PPP1R9A: variants seen among roughly 807,000 people sequenced by gnomAD.
The protein encoded by PPP1R9A is protein phosphatase 1 regulatory subunit 9A.
PPP1R9A carries 59 observed loss-of-function variants against 141.9 expected under a neutral mutation model. The observed-to-expected ratio is 0.42, with a 90% CI of 0.34 to 0.52. The LOEUF is 0.52. Ranked by LOEUF, PPP1R9A falls within the 20% of genes least tolerant of loss-of-function variation. PPP1R9A has a pLI of 0.10. For synonymous variants in PPP1R9A, 500 were observed against 569.7 expected (o/e 0.88, Z 1.74); for missense variants, 1,444 against 1,611.9 (o/e 0.90, Z 1.78).
In PPP1R9A at chr7:95,089,691, A is replaced by T. The variant is rs1817075834; in HGVS notation, c.1396-21568A>T. 3.3e-5 allele frequency among the ~76,000 whole-genome samples: 5 copies of T among 150,744 alleles called. No homozygotes were observed. The South Asian group carries it at 1.0e-3, about 31-fold the overall frequency. On this transcript the variant is annotated intron_variant, in intron 2 of 19. Coordinates refer to ENST00000433360, the MANE Select transcript of PPP1R9A (RefSeq NM_001166160.2). Reference sequence around the variant, plus strand: ...ATTGCTCAGCTCCCATTGGGTTATAACATTCTGCAACTGTATATTTTAGAA... The same window carrying T: ...ATTGCTCAGCTCCCATTGGGTTATATCATTCTGCAACTGTATATTTTAGAA...
rs1585678776 is a variant in PPP1R9A at position 95,294,428 on chromosome 7, C to T, written c.*4125C>T. The T allele has an allele frequency of 6.6e-6, 1 of 151,952 alleles. No homozygotes were observed. Among genetic ancestry groups the T allele is most frequent in the East Asian group, 1.9e-4 (1 of 5,162 alleles). 9.4% of individuals were successfully genotyped at this position (151,952 alleles called of 1,614,324 possible). A position where few individuals can be genotyped will look rare whatever the true frequency, so the allele number is the denominator to read the frequency against. On this transcript the variant is annotated 3_prime_UTR_variant, in exon 20 of 20. Coordinates refer to ENST00000433360, the MANE Select transcript of PPP1R9A (RefSeq NM_001166160.2). ...GGACTACAGGCATGTGCCACCACCC[C>T]CAGCCAAAACATCCATATTTTCTAT... is the stretch of plus-strand genomic sequence containing the variant.
chr7:95,142,795 G>GGACCT (rs1281135295), intron 4 of PPP1R9A, among the ~76,000 whole-genome samples: 6 of 152,026 alleles, frequency 3.9e-5, no homozygotes, highest in African/African-American at 1.4e-4. Flanking sequence ...GAAACTGTAT[G>GGACCT]GACCTAAACC....
chr7:95,018,754 G>A (rs577203590), intron 2 of PPP1R9A, among the ~76,000 whole-genome samples: 2 of 152,228 alleles, frequency 1.3e-5, no homozygotes, highest in South Asian at 2.1e-4. Flanking sequence ...CCCTGTGGGC[G>A]TTGGTGGTTA....
intron 2 of PPP1R9A, among the ~76,000 whole-genome samples, chr7:94,930,735 A>G (rs946801462): frequency 1.3e-5 from 2 of 152,184 alleles, no homozygotes; most frequent in African/African-American, 4.8e-5. Flanking sequence ...GGGAAAGAGT[A>G]CTGCACATCA....
intron 2 of PPP1R9A, among the ~76,000 whole-genome samples, chr7:94,922,360 T>TA (rs1462150732): frequency 1.3e-5 from 2 of 152,030 alleles, no homozygotes; most frequent in African/African-American, 4.8e-5. Context: ...CTACTTGATA[T>TA]ATTGTTGAGA....
intron 12 of PPP1R9A, among the ~76,000 whole-genome samples, chr7:95,262,539 C>T (rs1354679066): frequency 1.3e-5 from 2 of 152,164 alleles, no homozygotes; most frequent in Non-Finnish European, 1.5e-5. Flanking sequence ...CTGGTAGTCA[C>T]TGCCTTTCCA....
intron 2 of PPP1R9A, among the ~76,000 whole-genome samples, chr7:94,986,083 G>A (rs1019494827): frequency 1.3e-5 from 2 of 152,122 alleles, no homozygotes; most frequent in African/African-American, 4.8e-5. Context: ...GTTGGGGAAA[G>A]TTTGTAGCAC....
intron 4 of PPP1R9A, among the ~76,000 whole-genome samples, chr7:95,154,134 T>C (rs1042145179): frequency 2.3e-4 from 35 of 152,124 alleles, no homozygotes; most frequent in Admixed American, 1.3e-4. Context: ...TTTGTATTTT[T>C]TTTTATGTAG....
chr7:94,926,643 C>A (rs1481930368), intron 2 of PPP1R9A, among the ~76,000 whole-genome samples: 1 of 151,802 alleles, frequency 6.6e-6, no homozygotes, highest in African/African-American at 2.4e-5. Context: ...CCTTTTATTT[C>A]CTGACTTGTT....
intron 2 of PPP1R9A, 51 bp from the exon 3 acceptor site, chr7:95,111,208 G>C (rs749280564): frequency 1.4e-5 from 20 of 1,462,970 alleles, no homozygotes; most frequent in Admixed American, 2.2e-5. Flanking sequence ...TGGATACCTG[G>C]CAGGTTTTTT....
intron 2 of PPP1R9A, among the ~76,000 whole-genome samples, chr7:95,038,969 C>T (rs1369391059): frequency 1.3e-5 from 2 of 152,146 alleles, no homozygotes; most frequent in African/African-American, 2.4e-5. Flanking sequence ...AAACGTTAGA[C>T]AGCCCAACAC....
chr7:95,028,795 A>G (rs112921544), intron 2 of PPP1R9A, among the ~76,000 whole-genome samples: 6 of 152,338 alleles, frequency 3.9e-5, no homozygotes, highest in African/African-American at 1.2e-4. Context: ...TTAAACACCT[A>G]CAGAAGTTGT....
chr7:95,118,001 TC>T (rs1437286994), intron 3 of PPP1R9A, among the ~76,000 whole-genome samples: 4 of 152,126 alleles, frequency 2.6e-5, no homozygotes, highest in Non-Finnish European at 5.9e-5. Context: ...CAATCATTCA[TC>T]CTTCATCAGT....
At chr7:95,172,053 A>G (rs1200096092) in intron 5 of PPP1R9A, among the ~76,000 whole-genome samples, 4 of 151,582 alleles carry the variant, frequency 2.6e-5, no homozygotes, top group African/African-American at 9.7e-5. Context: ...ATAGATGTAG[A>G]TTTTTTTAAA....
chr7:94,988,333 T>C (rs1161734261), intron 2 of PPP1R9A, among the ~76,000 whole-genome samples: 2 of 152,154 alleles, frequency 1.3e-5, no homozygotes, highest in African/African-American at 2.4e-5. Context: ...CTGGTGCTTA[T>C]TTTACATATT....
intron 3 of PPP1R9A, among the ~76,000 whole-genome samples, chr7:95,115,540 C>T (rs1821328224): frequency 6.6e-6 from 1 of 151,866 alleles, no homozygotes; most frequent in Admixed American, 6.6e-5. Context: ...TAATATGCTA[C>T]AAAAAAGATT....
chr7:95,118,081 C>T (rs571830973), intron 3 of PPP1R9A, among the ~76,000 whole-genome samples: 2 of 152,180 alleles, frequency 1.3e-5, no homozygotes, highest in South Asian at 2.1e-4. Context: ...TTCAGCTATC[C>T]GCTAACCTTA....
chr7:95,244,789 T>G (rs1797896263), intron 8 of PPP1R9A, among the ~76,000 whole-genome samples: 1 of 152,192 alleles, frequency 6.6e-6, no homozygotes, highest in Non-Finnish European at 1.5e-5. Flanking sequence ...CAGATCATTC[T>G]TTCTTGGTCC....
At chr7:95,264,709 A>T (rs577659012) in intron 12 of PPP1R9A, among the ~76,000 whole-genome samples, 1 of 152,134 alleles carries the variant, frequency 6.6e-6, no homozygotes, top group African/African-American at 2.4e-5. Context: ...GTATTTATTG[A>T]TTCACCTCAG....
Sources: gnomAD v4.1 joint callset for allele counts (sites outside exome capture counted in the v4.1 genomes callset) on GRCh38, gnomAD v4.1.1 for gene constraint, MANE v1.5 for transcripts, NCBI Gene and HGNC (gene_info 2026-07-23, HGNC 2026-07-21) for gene names.